The following SEZ6 variants were observed in gnomAD, a reference collection of about 807,000 sequenced individuals.
SEZ6 encodes seizure related 6 homolog.
SEZ6 carries 53 observed loss-of-function variants against 101.0 expected under a neutral mutation model. The observed-to-expected ratio is 0.52, with a 90% confidence interval of 0.42 to 0.66. The LOEUF is 0.66. SEZ6 is among the 30% of genes least tolerant of loss of function. SEZ6 has a pLI of 0.00. For missense variants in SEZ6, 1,102 were observed against 1,289.4 expected (o/e 0.85, Z 2.23); for synonymous variants, 488 against 512.2 (o/e 0.95, Z 0.64).
At chr17:28,967,886 C>T (rs2041094670) in intron 4 of SEZ6, among the ~76,000 whole-genome samples, 1 of 152,160 alleles carries the variant, frequency 6.6e-6, no homozygotes. Flanking sequence ...CCCGGGGAGC[C>T]TGAACCACTG....
intron 3 of SEZ6, among the ~76,000 whole-genome samples, chr17:28,977,767 C>T (rs1007213249): frequency 3.3e-5 from 5 of 152,208 alleles, no homozygotes; most frequent in Non-Finnish European, 5.9e-5. Context: ...GGCACCTGCC[C>T]CCTCCCACCC....
chr17:29,002,099 T>C (rs2041622529), intron 1 of SEZ6, among the ~76,000 whole-genome samples: 1 of 151,878 alleles, frequency 6.6e-6, no homozygotes, highest in East Asian at 1.9e-4. Context: ...TTTTTTTTTT[T>C]TTTTGGTGGG....
chr17:28,970,031 T>A, intron 3 of SEZ6, 79 bp from the exon 4 acceptor site: 2 of 1,334,730 alleles, frequency 1.5e-6, no homozygotes, highest in Non-Finnish European at 2.0e-6. Flanking sequence ...CTCAGGATCC[T>A]GCAGGCCCCG....
chr17:28,981,362 G>T lies in SEZ6; in HGVS notation c.724+9C>A, dbSNP rs2041299328. 1 of 1,537,074 alleles carries T rather than the reference G, an allele frequency of 6.5e-7. No individual in the cohort carries two copies. The highest frequency in any genetic ancestry group is 8.8e-7 in the Non-Finnish European group (1 of 1,136,794). On this transcript the variant is annotated intron_variant, in intron 2 of 16. Coordinates refer to ENST00000317338, the MANE Select transcript of SEZ6 (RefSeq NM_178860.5). ...CATTTCCACATCTGCAAGCCAGCAG[G>T]TAGCTGACCTGGTGTCTGGACTGTG... is the stretch of plus-strand genomic sequence containing the variant.
intron 1 of SEZ6, among the ~76,000 whole-genome samples, chr17:28,984,480 A>T (rs975778863): frequency 6.6e-6 from 1 of 152,126 alleles, no homozygotes; most frequent in Non-Finnish European, 1.5e-5. Context: ...GAGTGCACAG[A>T]GATTCTCTAA....
chr17:28,960,193 G>C (rs1261760957), intron 7 of SEZ6: 2 of 572,454 alleles, frequency 3.5e-6, no homozygotes, highest in Non-Finnish European at 6.2e-6. Flanking sequence ...ATGCATAAAT[G>C]GTTCTAGAAT....
chr17:28,989,844 G>GA (rs1235083077), intron 1 of SEZ6, among the ~76,000 whole-genome samples: 4 of 152,160 alleles, frequency 2.6e-5, no homozygotes, highest in Non-Finnish European at 5.9e-5. Flanking sequence ...GAGGTGGGGG[G>GA]ATCACCTGAG....
At chr17:28,957,276 T>A (rs1340652119) in intron 12 of SEZ6, 34 bp from the exon 13 acceptor site, 1 of 1,613,316 alleles carries the variant, frequency 6.2e-7, no homozygotes, top group East Asian at 2.2e-5. Flanking sequence ...GAGGGTGTCA[T>A]GCCCTTGGCC....
At chr17:28,990,215 G>A (rs567829738) in intron 1 of SEZ6, among the ~76,000 whole-genome samples, 1 of 152,288 alleles carries the variant, frequency 6.6e-6, no homozygotes, top group East Asian at 1.9e-4. Context: ...AATTACTCCT[G>A]TAAATAACAT....
intron 1 of SEZ6, among the ~76,000 whole-genome samples, chr17:28,997,874 C>G (rs1339170493): frequency 6.6e-6 from 1 of 152,156 alleles, no homozygotes; most frequent in Non-Finnish European, 1.5e-5. Flanking sequence ...CCCTGACCAG[C>G]CTTCTTCCTC....
Position 28,979,900 on chromosome 17 carries a change from TGTGTGTGTGTGTG to T in SEZ6, c.725-100_725-88del. ...TGAACCGTGTGTGTGTGTGTGTGTG[TGTGTGTGTGTGTG>T]TGTGTGTGTGTGGTGAAGACCACCT... On this transcript the variant is annotated intron_variant, in intron 2 of 16. Coordinates refer to ENST00000317338, the MANE Select transcript of SEZ6 (RefSeq NM_178860.5). 4 of 1,296,532 alleles carry T rather than the reference TGTGTGTGTGTGTG, an allele frequency of 3.1e-6. No homozygotes were observed. In the African/African-American group the frequency reaches 4.5e-5, roughly 15 times the overall value. 80.3% of individuals were successfully genotyped at this position (1,296,532 alleles called of 1,614,324 possible). A position where few individuals can be genotyped will look rare whatever the true frequency, so the allele number is the denominator to read the frequency against.
intron 1 of SEZ6, among the ~76,000 whole-genome samples, chr17:28,990,324 C>T (rs2041439564): frequency 6.6e-6 from 1 of 152,112 alleles, no homozygotes; most frequent in South Asian, 2.1e-4. Context: ...AGTGCAGTGG[C>T]ATGGTCTTGG....
Position 28,959,010 on chromosome 17 carries a change from T to C in SEZ6, c.2107+15A>G, listed in dbSNP as rs746773558. On this transcript the variant is annotated intron_variant, in intron 10 of 16. Coordinates refer to ENST00000317338, the MANE Select transcript of SEZ6 (RefSeq NM_178860.5). The surrounding 1 kb of genome is among the most constrained non-coding windows in gnomAD (Gnocchi z 4.4). ...CTTGCTGTCTGCACTCTGAGTGGGG[T>C]AGGGACAAGCTCACCAAAGAAGTGG... 4 of 1,600,380 alleles carry C rather than the reference T, an allele frequency of 2.5e-6. No individual in the cohort carries two copies. The highest frequency in any genetic ancestry group is 3.4e-6 in the Non-Finnish European group (4 of 1,172,496).
intron 1 of SEZ6, among the ~76,000 whole-genome samples, chr17:28,990,795 T>A (rs1279981457): frequency 6.6e-6 from 1 of 151,784 alleles, no homozygotes; most frequent in Non-Finnish European, 1.5e-5. Context: ...GTAATAATAA[T>A]ATAATAATAA....
At position 28,959,488 on chromosome 17, in the gene SEZ6, G is replaced by A; in HGVS notation, c.1772-16C>T. 1.2e-6 allele frequency: 2 copies of A among 1,609,012 alleles called. No homozygotes were observed. The highest frequency in any genetic ancestry group is 1.7e-6 in the Non-Finnish European group (2 of 1,178,374). On this transcript the variant is annotated splice_polypyrimidine_tract_variant and intron_variant, in intron 8 of 16. Coordinates refer to ENST00000317338, the MANE Select transcript of SEZ6 (RefSeq NM_178860.5). This position sits in a 1 kb window ranked among gnomAD's most constrained non-coding sequence, Gnocchi z 4.4. ...CTGCACACGGCTGGAAGGCAGAGGA[G>A]GCCCAGAAGGGTCTTTTCAAGCTTA...
At chr17:28,995,349 G>T (rs900824651) in intron 1 of SEZ6, among the ~76,000 whole-genome samples, 2 of 147,816 alleles carry the variant, frequency 1.4e-5, no homozygotes, top group Admixed American at 6.6e-5. Context: ...CATGTATGTG[G>T]GGGGGGGTGC....
chr17:28,981,418 G>A lies in SEZ6; in HGVS notation c.677C>T (p.Thr226Ile), dbSNP rs1418856371. The A allele has an allele frequency of 2.6e-6, 4 of 1,555,616 alleles. No individual in the cohort carries two copies. Among genetic ancestry groups the A allele is most frequent in the Non-Finnish European group, 3.5e-6 (4 of 1,149,168 alleles). Residue 226 changes from threonine (T) to isoleucine (I), a missense_variant, in exon 2 of 17, where the codon ACT becomes ATT. Around this residue, in one of 3 missense-constraint regions of SEZ6, gnomAD observed 406 missense variants for 418.6 expected, o/e 0.97. Coordinates refer to ENST00000317338, the MANE Select transcript of SEZ6 (RefSeq NM_178860.5). ...GGTGGTGGTGATGATGGTGGTGGTA[G>A]TGGTGGTCTCCTCATCATCTCCTGA... ...TASGDDEETT[T>I]TTTIITTTIT...
chr17:28,997,837 C>G (rs1340550826), intron 1 of SEZ6, among the ~76,000 whole-genome samples: 1 of 152,182 alleles, frequency 6.6e-6, no homozygotes, highest in East Asian at 1.9e-4. Context: ...ACACAGCCAG[C>G]AAAACCCATC....
intron 3 of SEZ6, among the ~76,000 whole-genome samples, chr17:28,977,000 G>C (rs2041229902): frequency 6.6e-6 from 1 of 152,228 alleles, no homozygotes; most frequent in African/African-American, 2.4e-5. Context: ...TACTAATCAT[G>C]AAGGTCTGTG....
Sources: allele counts gnomAD v4.1 joint callset (sites outside exome capture counted in the v4.1 genomes callset), GRCh38; gene constraint gnomAD v4.1.1; regional missense constraint gnomAD v4.1.1; non-coding constraint Gnocchi (gnomAD v3.1); transcripts MANE v1.5; gene names NCBI Gene and HGNC (gene_info 2026-07-23, HGNC 2026-07-21).